The following SUMF1 variants were observed in gnomAD, a reference collection of about 807,000 sequenced individuals.
The protein encoded by SUMF1 is formylglycine-generating enzyme.
A neutral mutation model predicts 47.6 loss-of-function variants in SUMF1; 48 were observed. That is an observed-to-expected ratio of 1.01 (90% CI 0.80 to 1.28). The LOEUF (loss-of-function observed/expected upper bound fraction) is 1.28. SUMF1 is among the 50% of genes most tolerant of loss of function. The pLI is 0.00. For synonymous variants in SUMF1, 230 were observed against 192.1 expected (o/e 1.20, Z -1.63); for missense variants, 571 against 485.4 (o/e 1.18, Z -1.66).
rs754403785 is a variant in SUMF1 at position 4,453,021 on chromosome 3, G to C, written c.299C>G (p.Thr100Arg). Residue 100 changes from threonine to arginine, a missense_variant, in exon 2 of 9, where the codon ACA (threonine) becomes AGA (arginine). Thr to Arg is a moderately conservative substitution (Grantham distance 71, BLOSUM62 -1). Transcript: ENST00000272902. ...TATCTGAGGATCATCTGTGCCCATTGTAAATACTCCAGCAGGGATGGGGAC... is the reference window on the plus strand; with the variant it reads ...TATCTGAGGATCATCTGTGCCCATTCTAAATACTCCAGCAGGGATGGGGAC... Reference protein sequence around the residue: ...KMVPIPAGVFTMGTDDPQIKQ... With the variant: ...KMVPIPAGVFRMGTDDPQIKQ... 6.2e-7 allele frequency: 1 copy of C among 1,613,876 alleles called. No individual in the cohort carries two copies. The highest frequency in any genetic ancestry group is 2.2e-5 in the East Asian group (1 of 44,882).
intron 8 of SUMF1, among the ~76,000 whole-genome samples, chr3:4,157,008 C>T (rs182569944): frequency 3.3e-5 from 5 of 151,708 alleles, no homozygotes; most frequent in Admixed American, 3.3e-4. Flanking sequence ...GACTTGGACA[C>T]ATCTGTCTGC....
intron 8 of SUMF1, chr3:4,316,792 C>T (rs115195721): frequency 0.024 from 37,664 of 1,550,760 alleles, 582 homozygotes; most frequent in Non-Finnish European, 0.029. Flanking sequence ...GTCATGGTCA[C>T]TATTTGGTGG....
intron 7 of SUMF1, among the ~76,000 whole-genome samples, chr3:4,382,913 C>T (rs748840574): frequency 6.6e-5 from 10 of 152,024 alleles, no homozygotes; most frequent in African/African-American, 1.4e-4. Context: ...CACACTGGGG[C>T]CTGTCAGGGG....
intron 7 of SUMF1, among the ~76,000 whole-genome samples, chr3:4,401,054 A>T (rs922659021): frequency 1.4e-5 from 2 of 145,970 alleles, no homozygotes; most frequent in Non-Finnish European, 3.0e-5. Context: ...CATGAGTGAG[A>T]ACATGAGGTG....
At chr3:4,352,857 C>T (rs758718115) in intron 8 of SUMF1, among the ~76,000 whole-genome samples, 9 of 152,036 alleles carry the variant, frequency 5.9e-5, no homozygotes, top group Non-Finnish European at 8.8e-5. Flanking sequence ...GAAGGAAGTG[C>T]TTCTGAACAG....
intron 8 of SUMF1, among the ~76,000 whole-genome samples, chr3:4,103,279 A>T (rs1003966601): frequency 6.6e-6 from 1 of 152,010 alleles, no homozygotes; most frequent in African/African-American, 2.4e-5. Context: ...TCTCCTCAAA[A>T]AGCTTCTGAC....
chr3:4,392,593 ATGTG>A lies in SUMF1; in HGVS notation c.955-16208_955-16205del, dbSNP rs764280676. On this transcript the variant is annotated intron_variant, in intron 7 of 8. Transcript: ENST00000272902. ...TAAATGTTTATATGTTCAGATATAT[ATGTG>A]TGTGTGTGTGTGTGTGTGTATATAT... Among the ~76,000 whole-genome samples, 25 of 140,896 alleles carry A rather than the reference ATGTG, an allele frequency of 1.8e-4. No individual in the cohort carries two copies. In the South Asian group the frequency reaches 2.5e-3, roughly 14 times the overall value. 92.4% of individuals were successfully genotyped at this position (140,896 alleles called of 152,430 possible). A position where few individuals can be genotyped will look rare whatever the true frequency, so the allele number is the denominator to read the frequency against.
At chr3:4,443,202 C>G (rs992830915) in intron 3 of SUMF1, among the ~76,000 whole-genome samples, 1 of 152,022 alleles carries the variant, frequency 6.6e-6, no homozygotes, top group African/African-American at 2.4e-5. Context: ...TGCTTGAGCC[C>G]AGTAGGTGGA....
intron 8 of SUMF1, among the ~76,000 whole-genome samples, chr3:4,079,667 A>ATTTCACTTAT (rs1692515943): frequency 6.6e-6 from 1 of 150,680 alleles, no homozygotes; most frequent in Admixed American, 6.6e-5. Flanking sequence ...GAAATAATAT[A>ATTTCACTTAT]TGGAAAGTAC....
chr3:4,271,502 GATAGATAGATAGATAGA>G (rs1559637620), intron 8 of SUMF1, among the ~76,000 whole-genome samples: 30 of 151,816 alleles, frequency 2.0e-4, no homozygotes, highest in East Asian at 5.8e-4. Flanking sequence ...TAGATAGATA[GATAGATAGATAGATAGA>G]TACAGAGAGG....
chr3:4,142,462 A>AT (rs1694093937), intron 8 of SUMF1, among the ~76,000 whole-genome samples: 2 of 151,514 alleles, frequency 1.3e-5, no homozygotes, highest in South Asian at 4.1e-4. Flanking sequence ...CTAATAGGGG[A>AT]TATCATATAT....
At chr3:4,426,593 A>G (rs1702076348) in intron 3 of SUMF1, among the ~76,000 whole-genome samples, 2 of 152,212 alleles carry the variant, frequency 1.3e-5, no homozygotes, top group African/African-American at 4.8e-5. Flanking sequence ...TAAGAGTCAT[A>G]TATTAGGCAT....
At chr3:4,394,097 ATACCATT>A (rs1219344836) in intron 7 of SUMF1, among the ~76,000 whole-genome samples, 1 of 152,148 alleles carries the variant, frequency 6.6e-6, no homozygotes, top group Non-Finnish European at 1.5e-5. Flanking sequence ...AGATTTGATA[ATACCATT>A]ATAGTTTTGT....
chr3:4,337,192 TCC>T (rs1699170580), intron 8 of SUMF1, among the ~76,000 whole-genome samples: 2 of 30,916 alleles, frequency 6.5e-5, no homozygotes, highest in African/African-American at 2.3e-4. Flanking sequence ...TGTCCCTCCC[TCC>T]CTCCCTCCCT....
At chr3:4,116,391 T>C (rs1338492228) in intron 8 of SUMF1, among the ~76,000 whole-genome samples, 1 of 152,116 alleles carries the variant, frequency 6.6e-6, no homozygotes, top group African/African-American at 2.4e-5. Flanking sequence ...CTAACATACA[T>C]AGTTGCTTTC....
At chr3:4,396,786 G>A (rs1271409610) in intron 7 of SUMF1, among the ~76,000 whole-genome samples, 2 of 152,166 alleles carry the variant, frequency 1.3e-5, no homozygotes, top group Non-Finnish European at 2.9e-5. Flanking sequence ...ACAGGAAGGA[G>A]AGAGAGTAGA....
intron 8 of SUMF1, among the ~76,000 whole-genome samples, chr3:4,299,517 A>G (rs1430219528): frequency 6.6e-6 from 1 of 152,256 alleles, no homozygotes; most frequent in Non-Finnish European, 1.5e-5. Flanking sequence ...AAATGTTTAA[A>G]CAATATCTGG....
intron 8 of SUMF1, among the ~76,000 whole-genome samples, chr3:4,117,733 A>G (rs1693454290): frequency 6.6e-6 from 1 of 151,686 alleles, no homozygotes; most frequent in African/African-American, 2.4e-5. Flanking sequence ...AAATCAAAAA[A>G]TGTAACTTAA....
intron 8 of SUMF1, among the ~76,000 whole-genome samples, chr3:4,318,085 A>C (rs1010447590): frequency 6.6e-6 from 1 of 151,136 alleles, no homozygotes; most frequent in Non-Finnish European, 1.5e-5. Flanking sequence ...GTTAAAGAAG[A>C]CATGGATACC....
Sources: allele counts gnomAD v4.1 joint callset (sites outside exome capture counted in the v4.1 genomes callset), GRCh38; gene constraint gnomAD v4.1.1; transcripts MANE v1.5; gene names NCBI Gene and HGNC (gene_info 2026-07-23, HGNC 2026-07-21).